FER1L6: variants seen among roughly 807,000 people sequenced by gnomAD.
FER1L6 encodes fer-1 like family member 6.
A neutral mutation model predicts 219.2 loss-of-function variants in FER1L6; 177 were observed. The observed-to-expected ratio is 0.81, with a 90% confidence interval of 0.71 to 0.91. The LOEUF (loss-of-function observed/expected upper bound fraction) is 0.91, where lower values mean the gene tolerates loss of function less well. FER1L6 is among the 40% of genes least tolerant of loss of function. FER1L6 has a pLI of 0.00. For synonymous variants in FER1L6, 768 were observed against 824.3 expected (o/e 0.93, Z 1.17); for missense variants, 2,153 against 2,259.9 (o/e 0.95, Z 0.96).
chr8:124,031,320 A>G (rs1264218236), intron 18 of FER1L6, among the ~76,000 whole-genome samples: 1 of 152,222 alleles, frequency 6.6e-6, no homozygotes, highest in Non-Finnish European at 1.5e-5. Flanking sequence ...ATAGGGGGAA[A>G]TCATCCATTT....
At chr8:123,996,227 A>G (rs1287653113) in intron 12 of FER1L6, among the ~76,000 whole-genome samples, 1 of 151,956 alleles carries the variant, frequency 6.6e-6, no homozygotes, top group African/African-American at 2.4e-5. Context: ...TGTCTGGATG[A>G]TTTTTCCAGT....
rs540941324 is a variant in FER1L6, at chr8:123,854,085, A to G, written c.-8+1900A>G. On this transcript the variant is annotated intron_variant, in intron 1 of 40. Coordinates refer to ENST00000522917, the MANE Select transcript of FER1L6 (RefSeq NM_001039112.2). ...CTGAGTCTCTTCATCTATAAAATGA[A>G]AAGACGTCTGGTGAGATGGTTTCTC... Among the ~76,000 whole-genome samples the G allele has an allele frequency of 2.4e-4, 37 of 152,272 alleles. 1 individual carries two copies. The South Asian group carries it at 7.5e-3, about 31-fold the overall frequency.
chr8:123,863,781 T>C (rs1816783464), intron 1 of FER1L6, among the ~76,000 whole-genome samples: 2 of 149,066 alleles, frequency 1.3e-5, no homozygotes, highest in South Asian at 4.2e-4. Context: ...AAGTCTGTTT[T>C]ATCAGAGACT....
intron 16 of FER1L6, among the ~76,000 whole-genome samples, chr8:124,019,145 A>G (rs76828070): frequency 3.9e-5 from 6 of 152,176 alleles, no homozygotes; most frequent in African/African-American, 1.4e-4. Context: ...TCCCTTTTGC[A>G]TGATACATTG....
intron 19 of FER1L6, 138 bp downstream of exon 19, chr8:124,035,592 G>C (rs1344557289): frequency 3.9e-6 from 3 of 774,114 alleles, no homozygotes; most frequent in Admixed American, 6.5e-5. Flanking sequence ...GTAAAGTACA[G>C]TTTCTAAGTG....
rs1586625626 is a variant in FER1L6, at chr8:124,040,074, G to T, written c.2589+68G>T. The stretch of plus-strand genomic sequence containing the variant: ...TGCAACTGACCCACAGAAGATCCCA[G>T]GAAAGAAACAACGGGGGCATGTTGC... On this transcript the variant is annotated intron_variant, in intron 20 of 40. Coordinates refer to ENST00000522917, the MANE Select transcript of FER1L6 (RefSeq NM_001039112.2). 19 of 1,600,332 alleles carry T rather than the reference G, an allele frequency of 1.2e-5. No individual in the cohort carries two copies. In the East Asian group the frequency reaches 4.3e-4, roughly 36 times the overall value.
intron 1 of FER1L6, among the ~76,000 whole-genome samples, chr8:123,948,602 A>G (rs190792851): frequency 3.3e-5 from 5 of 152,236 alleles, no homozygotes; most frequent in Non-Finnish European, 7.4e-5. Context: ...TTTTATTTCT[A>G]ATTTTAATTT....
intron 20 of FER1L6, among the ~76,000 whole-genome samples, chr8:124,044,646 C>T (rs1819644531): frequency 6.6e-6 from 1 of 152,180 alleles, no homozygotes; most frequent in African/African-American, 2.4e-5. Context: ...ATACATTCAC[C>T]TATGAAATCA....
intron 40 of FER1L6, 67 bp downstream of exon 40, chr8:124,119,011 G>A (rs1332241546): frequency 7.6e-6 from 10 of 1,314,568 alleles, no homozygotes; most frequent in East Asian, 2.3e-5. Flanking sequence ...GCTGGTGTCT[G>A]ATAATGGCAT....
At chr8:123,891,930 G>GT in intron 1 of FER1L6, among the ~76,000 whole-genome samples, 1 of 152,128 alleles carries the variant, frequency 6.6e-6, no homozygotes. Flanking sequence ...TTAGTTCAGA[G>GT]TTTTTCTATA....
rs781161909 is a variant in FER1L6 at position 124,015,571 on chromosome 8, C to CTATATATATATATATATA, written c.1923-2029_1923-2012dup. 6.9e-4 allele frequency among the ~76,000 whole-genome samples: 30 copies of CTATATATATATATATATA among 43,260 alleles called. 1 individual carries two copies. The highest frequency in any genetic ancestry group is 1.1e-3 in the Admixed American group (3 of 2,854). The allele number at this position is 43,260 out of a possible 152,430, so 28.4% of individuals were successfully genotyped here. A position where few individuals can be genotyped will look rare whatever the true frequency, so the allele number is the denominator to read the frequency against. ...TGTTTCTTGTTTTTCATTATAAAAG[C>CTATATATATATATATATA]TATATATATATATATATATATATAT... is the stretch of plus-strand genomic sequence containing the variant. On this transcript the variant is annotated intron_variant, in intron 15 of 40. Transcript: ENST00000522917.
chr8:123,927,263 G>A (rs1257852655), intron 1 of FER1L6, among the ~76,000 whole-genome samples: 2 of 152,020 alleles, frequency 1.3e-5, no homozygotes. Flanking sequence ...CTCATTTTGG[G>A]AAAAAAACTA....
intron 1 of FER1L6, among the ~76,000 whole-genome samples, chr8:123,919,409 G>A (rs1436873320): frequency 1.3e-5 from 2 of 152,328 alleles, no homozygotes; most frequent in South Asian, 2.1e-4. Context: ...AAGGTCAATT[G>A]TGGAAGGACT....
At chr8:123,898,324 G>A (rs1163828768) in intron 1 of FER1L6, among the ~76,000 whole-genome samples, 1 of 151,914 alleles carries the variant, frequency 6.6e-6, no homozygotes, top group African/African-American at 2.4e-5. Context: ...GGTTACAGGT[G>A]GTATTTGGTT....
At position 124,033,603 on chromosome 8, in the gene FER1L6, C is replaced by T. The variant is rs1013071657; in HGVS notation, c.2287-1674C>T. On this transcript the variant is annotated intron_variant, in intron 18 of 40. Transcript: ENST00000522917. Reference sequence around the variant, plus strand: ...TCTTCAGCTTCATCTGTGTCATTCTCTGTCTAGCTCTTATGCTTACTGGTT... The same window carrying T: ...TCTTCAGCTTCATCTGTGTCATTCTTTGTCTAGCTCTTATGCTTACTGGTT... 2.0e-5 allele frequency among the ~76,000 whole-genome samples: 3 copies of T among 152,180 alleles called. No individual in the cohort carries two copies. The East Asian group carries it at 5.8e-4, about 29-fold the overall frequency.
At chr8:123,898,379 T>TC in intron 1 of FER1L6, among the ~76,000 whole-genome samples, 1 of 152,006 alleles carries the variant, frequency 6.6e-6, no homozygotes, top group Middle Eastern at 3.4e-3. Context: ...TTTTGGTGCA[T>TC]CCGTCACCCA....
intron 35 of FER1L6, among the ~76,000 whole-genome samples, 175 bp from the exon 36 acceptor site, chr8:124,097,092 TATAC>T (rs1203092189): frequency 0.052 from 411 of 7,848 alleles, no homozygotes; most frequent in African/African-American, 0.085. Flanking sequence ...TATATATATA[TATAC>T]ATACATACAT....
At chr8:123,948,994 C>T (rs1025518995) in intron 1 of FER1L6, among the ~76,000 whole-genome samples, 19 of 152,124 alleles carry the variant, frequency 1.2e-4, no homozygotes, top group Non-Finnish European at 2.5e-4. Context: ...TGTGCACTAG[C>T]ACCAGGAGCC....
intron 25 of FER1L6, among the ~76,000 whole-genome samples, chr8:124,062,369 T>G (rs530488290): frequency 4.6e-5 from 7 of 152,342 alleles, no homozygotes; most frequent in African/African-American, 1.7e-4. Flanking sequence ...ATTGCACGTC[T>G]CAGTTCCATG....
Sources: gnomAD v4.1 joint callset for allele counts (sites outside exome capture counted in the v4.1 genomes callset) on GRCh38, gnomAD v4.1.1 for gene constraint, MANE v1.5 for transcripts, NCBI Gene and HGNC (gene_info 2026-07-23, HGNC 2026-07-21) for gene names.